GPM6A: variants seen among roughly 807,000 people sequenced by gnomAD.
GPM6A encodes neuronal membrane glycoprotein M6-a.
GPM6A carries 7 observed loss-of-function variants against 32.1 expected under a neutral mutation model. The ratio of observed to expected loss-of-function variants is 0.22; its 90% confidence interval spans 0.12 to 0.41. GPM6A has a LOEUF of 0.41. GPM6A is among the 10% of genes least tolerant of loss of function. GPM6A has a pLI of 1.00. For synonymous variants in GPM6A, 130 were observed against 123.4 expected (o/e 1.05, Z -0.35); for missense variants, 235 against 347.2 (o/e 0.68, Z 2.57).
intron 1 of GPM6A, chr4:175,961,396 C>T (rs1194470466): frequency 6.6e-6 from 1 of 152,064 alleles, no homozygotes; most frequent in African/African-American, 2.4e-5. Context: ...TTCTTAGGTC[C>T]ATGAGAGAAT....
intron 1 of GPM6A, among the ~76,000 whole-genome samples, chr4:175,841,995 A>G (rs1735951729): frequency 6.6e-6 from 1 of 152,142 alleles, no homozygotes; most frequent in South Asian, 2.1e-4. Context: ...TGTAGCCAAA[A>G]TAATTTTTTC....
intron 1 of GPM6A, among the ~76,000 whole-genome samples, chr4:175,971,270 G>GAAAA (rs146658517): frequency 1.8e-4 from 24 of 132,048 alleles, no homozygotes; most frequent in African/African-American, 6.0e-4. Flanking sequence ...TATCTTCCGT[G>GAAAA]AAAAAAAAAA....
At chr4:175,935,670 TATC>T (rs778801392) in intron 1 of GPM6A, among the ~76,000 whole-genome samples, 3 of 152,136 alleles carry the variant, frequency 2.0e-5, no homozygotes, top group African/African-American at 4.8e-5. Flanking sequence ...TTTGAATAAA[TATC>T]ATATTCCTGA....
At chr4:175,699,935 C>A (rs969738956) in intron 2 of GPM6A, among the ~76,000 whole-genome samples, 1 of 152,030 alleles carries the variant, frequency 6.6e-6, no homozygotes, top group Non-Finnish European at 1.5e-5. Context: ...CACTCTGTTG[C>A]GAAGGCTGGA....
rs556091968 is a variant in GPM6A at position 175,866,369 on chromosome 4, C to T, written c.-22-54120G>A. Among the ~76,000 whole-genome samples the T allele has an allele frequency of 3.3e-5, 5 of 152,242 alleles. No individual in the cohort carries two copies. In the South Asian group the frequency reaches 6.2e-4, roughly 19 times the overall value. ...TGGACAAATGTATAAAGACACATAC[C>T]TATCGTTAGAGTATCATACAGAGCA... On this transcript the variant is annotated intron_variant, in intron 1 of 7. Transcript: ENST00000280187.
intron 1 of GPM6A, among the ~76,000 whole-genome samples, chr4:175,884,657 G>A (rs572151106): frequency 5.5e-4 from 84 of 151,592 alleles, no homozygotes; most frequent in Non-Finnish European, 9.3e-4. Context: ...TCAGCCTCTC[G>A]AGTAGCTGGG....
intron 1 of GPM6A, among the ~76,000 whole-genome samples, chr4:175,887,860 A>G: frequency 6.6e-6 from 1 of 151,926 alleles, no homozygotes; most frequent in African/African-American, 2.4e-5. Flanking sequence ...AAATTTGCCC[A>G]CTGATCAATA....
At chr4:175,697,527 C>A (rs1216017368) in intron 2 of GPM6A, among the ~76,000 whole-genome samples, 1 of 152,028 alleles carries the variant, frequency 6.6e-6, no homozygotes, top group South Asian at 2.1e-4. Context: ...GAAATAACTC[C>A]TAATGGATAA....
At chr4:175,638,394 C>G (rs1740938598) in intron 6 of GPM6A, among the ~76,000 whole-genome samples, 1 of 151,688 alleles carries the variant, frequency 6.6e-6, no homozygotes, top group African/African-American at 2.4e-5. Flanking sequence ...TGTGATGACT[C>G]TAGACAGAGA....
chr4:175,841,848 A>G (rs552482420), intron 1 of GPM6A, among the ~76,000 whole-genome samples: 2 of 152,314 alleles, frequency 1.3e-5, no homozygotes, highest in African/African-American at 4.8e-5. Flanking sequence ...GAAGTAAAAT[A>G]TAAGATATGA....
chr4:175,917,417 A>T (rs1560992971), intron 1 of GPM6A, among the ~76,000 whole-genome samples: 1 of 152,200 alleles, frequency 6.6e-6, no homozygotes, highest in Non-Finnish European at 1.5e-5. Context: ...TTGCAAGAAA[A>T]GGAATATTAG....
chr4:175,653,168 G>T (rs1245539171), intron 3 of GPM6A, among the ~76,000 whole-genome samples: 1 of 152,010 alleles, frequency 6.6e-6, no homozygotes, highest in Non-Finnish European at 1.5e-5. Flanking sequence ...AGTAAAATGG[G>T]AATCAATCCC....
chr4:175,851,129 T>A (rs1736240501), intron 1 of GPM6A, among the ~76,000 whole-genome samples: 1 of 151,842 alleles, frequency 6.6e-6, no homozygotes, highest in Non-Finnish European at 1.5e-5. Context: ...GGGACCGAGG[T>A]GGGCAGATCA....
intron 1 of GPM6A, among the ~76,000 whole-genome samples, chr4:175,707,464 G>A (rs943572944): frequency 6.6e-6 from 1 of 152,122 alleles, no homozygotes. Flanking sequence ...AACTCATTGG[G>A]ATTCTGATTG....
At chr4:175,823,700 T>C (rs559310004) in intron 1 of GPM6A, among the ~76,000 whole-genome samples, 1 of 152,338 alleles carries the variant, frequency 6.6e-6, no homozygotes, top group East Asian at 1.9e-4. Flanking sequence ...AGCGTTTTGG[T>C]ATTTTTGCTT....
chr4:175,671,052 C>A (rs1743034181), intron 3 of GPM6A, among the ~76,000 whole-genome samples: 1 of 151,720 alleles, frequency 6.6e-6, no homozygotes, highest in Non-Finnish European at 1.5e-5. Flanking sequence ...TTAGTAGAGA[C>A]AGGGTTTCAC....
Position 175,759,603 on chromosome 4 carries a change from G to T in GPM6A, c.37+52588C>A, listed in dbSNP as rs192579856. Reference sequence around the variant, plus strand: ...GAGTTTAAACTCATATCATGTATTTGAATTGAAAATGTAGAGGAAGATACA... The same window carrying T: ...GAGTTTAAACTCATATCATGTATTTTAATTGAAAATGTAGAGGAAGATACA... On this transcript the variant is annotated intron_variant, in intron 1 of 6. Transcript: ENST00000393658. 1.7e-3 allele frequency among the ~76,000 whole-genome samples: 265 copies of T among 152,228 alleles called. 2 individuals are homozygous for T. The highest frequency in any genetic ancestry group is 6.0e-3 in the African/African-American group (250 of 41,540).
chr4:175,649,397 G>T (rs1035654559), intron 4 of GPM6A, among the ~76,000 whole-genome samples: 2 of 152,106 alleles, frequency 1.3e-5, no homozygotes, highest in African/African-American at 2.4e-5. Context: ...TATTAAGAAG[G>T]TCTATTTATC....
chr4:175,735,254 G>T (rs992371308), intron 1 of GPM6A, among the ~76,000 whole-genome samples: 1 of 152,048 alleles, frequency 6.6e-6, no homozygotes, highest in Non-Finnish European at 1.5e-5. Flanking sequence ...GAAACAAATG[G>T]CCCTAGATTT....
Sources: gnomAD v4.1 joint callset for allele counts (sites outside exome capture counted in the v4.1 genomes callset) on GRCh38, gnomAD v4.1.1 for gene constraint, MANE v1.5 for transcripts, NCBI Gene and HGNC (gene_info 2026-07-23, HGNC 2026-07-21) for gene names.